The following OSBPL3 variants were observed in gnomAD, a reference collection of about 807,000 sequenced individuals.
OSBPL3 encodes oxysterol binding protein like 3, also known as oxysterol-binding protein-related protein 3.
In OSBPL3, 65 loss-of-function variants were observed where a neutral mutation model predicts 120.1. The ratio of observed to expected loss-of-function variants is 0.54; its 90% CI spans 0.44 to 0.67. The LOEUF (loss-of-function observed/expected upper bound fraction) is 0.67, where lower values mean the gene tolerates loss of function less well. Ranked by LOEUF, OSBPL3 falls within the 30% of genes least tolerant of loss-of-function variation. The probability of loss-of-function intolerance (pLI) is 0.00; values close to 1 mark genes in which losing one functional copy is unlikely to be tolerated. For synonymous variants in OSBPL3, 416 were observed against 402.6 expected, an observed-to-expected ratio of 1.03 and a Z score of -0.40; for missense variants, 1,004 against 1,082.1, an observed-to-expected ratio of 0.93 and a Z score of 1.01.
rs1250050972 is a variant in OSBPL3 at position 24,898,454 on chromosome 7, A to G, written c.-149-5833T>C. ...CCTCCACAAACCATTTTTTTTTTAA[A>G]TCTTATTCTCACTTTTGGCAAGACA... On this transcript the variant is annotated intron_variant, in intron 1 of 22. Transcript: ENST00000313367. The surrounding 1 kb of genome is among the most constrained non-coding windows in gnomAD (Gnocchi z 4.3). Among the ~76,000 whole-genome samples the G allele has an allele frequency of 6.6e-6, 1 of 151,882 alleles. No homozygotes were observed. Among genetic ancestry groups the G allele is most frequent in the African/African-American group, 2.4e-5 (1 of 41,382 alleles).
chr7:24,886,988 C>G (rs1804623725), intron 2 of OSBPL3, among the ~76,000 whole-genome samples: 1 of 152,156 alleles, frequency 6.6e-6, no homozygotes, highest in African/African-American at 2.4e-5. Flanking sequence ...TATTTAAACA[C>G]AAGTTAATTA....
At chr7:24,931,609 G>A (rs555914572) in intron 1 of OSBPL3, among the ~76,000 whole-genome samples, 2 of 152,132 alleles carry the variant, frequency 1.3e-5, no homozygotes, top group Middle Eastern at 3.2e-3. Context: ...AACAATGCCC[G>A]TTGACACCTG....
At position 24,820,106 on chromosome 7, in the gene OSBPL3, A is replaced by G. The variant is rs1042604040; in HGVS notation, c.1948+69T>C. The G allele has an allele frequency of 6.8e-6, 8 of 1,173,818 alleles. No homozygotes were observed. In the African/African-American group the frequency reaches 9.2e-5, roughly 13 times the overall value. 72.7% of individuals were successfully genotyped at this position (1,173,818 alleles called of 1,614,324 possible). ...TTGATCTCAGTAAGAATTGACAGCA[A>G]TTCTTGGATAAAATAAATAGATAAC... On this transcript the variant is annotated intron_variant, in intron 17 of 22. Transcript: ENST00000313367. This position sits in a 1 kb window ranked among gnomAD's most constrained non-coding sequence, Gnocchi z 4.6.
At position 24,813,980 on chromosome 7, in the gene OSBPL3, A is replaced by T. The variant is rs1445615019; in HGVS notation, c.2172+1079T>A. ...CCATTGCAGGAATCAGGGCTACAGA[A>T]GTGAGCAAGATAGACTAGGTTTTGC... On this transcript the variant is annotated intron_variant, in intron 19 of 22. Transcript: ENST00000313367. This position sits in a 1 kb window ranked among gnomAD's most constrained non-coding sequence, Gnocchi z 4.5. Among the ~76,000 whole-genome samples, 1 of 152,194 alleles carries T rather than the reference A, an allele frequency of 6.6e-6. No individual in the cohort carries two copies. Among genetic ancestry groups the T allele is most frequent in the Non-Finnish European group, 1.5e-5 (1 of 68,030 alleles).
intron 1 of OSBPL3, among the ~76,000 whole-genome samples, chr7:24,902,949 T>C (rs1037798867): frequency 6.6e-6 from 1 of 152,194 alleles, no homozygotes. Flanking sequence ...CTCTCAACTA[T>C]GGACTTTTTC....
chr7:24,904,010 G>A (rs942496004), intron 1 of OSBPL3, among the ~76,000 whole-genome samples: 3 of 151,856 alleles, frequency 2.0e-5, no homozygotes, highest in Non-Finnish European at 2.9e-5. Flanking sequence ...AGCCTCCCGA[G>A]TAGCGGAGAT....
chr7:24,932,176 A>G lies in OSBPL3; in HGVS notation c.-149-39555T>C, dbSNP rs1001124303. On this transcript the variant is annotated intron_variant, in intron 1 of 22. Transcript: ENST00000313367. The surrounding 1 kb of genome is among the most constrained non-coding windows in gnomAD (Gnocchi z 5.6). ...TAATTAATAAGAAATGAATGGGCAC[A>G]TTTGTCCCACTTTAAAGCTTCGGCA... Among the ~76,000 whole-genome samples, 2 of 152,216 alleles carry G rather than the reference A, an allele frequency of 1.3e-5. No individual in the cohort carries two copies. Among genetic ancestry groups the G allele is most frequent in the Admixed American group, 1.3e-4 (2 of 15,288 alleles).
At position 24,808,267 on chromosome 7, in the gene OSBPL3, C is replaced by A. The variant is rs1160765833; in HGVS notation, c.2318-1365G>T. On this transcript the variant is annotated intron_variant, in intron 20 of 22. Transcript: ENST00000313367. The surrounding 1 kb of genome is among the most constrained non-coding windows in gnomAD (Gnocchi z 4.6). Reference sequence around the variant, plus strand: ...AGTCTAATTCTCTGTGTATCCTAAGCATAAAAATAGTAGCAAAGTTTCCTA... The same window carrying A: ...AGTCTAATTCTCTGTGTATCCTAAGAATAAAAATAGTAGCAAAGTTTCCTA... 6.6e-6 allele frequency among the ~76,000 whole-genome samples: 1 copy of A among 152,132 alleles called. No individual in the cohort carries two copies. The highest frequency in any genetic ancestry group is 2.4e-5 in the African/African-American group (1 of 41,432).
chr7:24,950,655 A>G (rs1405905390), intron 1 of OSBPL3, among the ~76,000 whole-genome samples: 3 of 152,190 alleles, frequency 2.0e-5, no homozygotes, highest in Non-Finnish European at 2.9e-5. Context: ...CCAAGAGGCG[A>G]AGCTTGCAGT....
At chr7:24,875,603 T>G (rs967350366) in intron 2 of OSBPL3, among the ~76,000 whole-genome samples, 6 of 152,276 alleles carry the variant, frequency 3.9e-5, no homozygotes, top group South Asian at 4.1e-4. Context: ...CCCAGGATTT[T>G]GGGAGGCTGA....
At chr7:24,979,260 T>G (rs1817922807) in intron 1 of OSBPL3, among the ~76,000 whole-genome samples, 1 of 148,906 alleles carries the variant, frequency 6.7e-6, no homozygotes. Flanking sequence ...AGCCTGAAGG[T>G]GATCTGAACA....
chr7:24,974,040 T>C (rs1275682955), intron 1 of OSBPL3, among the ~76,000 whole-genome samples: 2 of 152,242 alleles, frequency 1.3e-5, no homozygotes, highest in African/African-American at 4.8e-5. Flanking sequence ...ACGTGATGTT[T>C]AAAAATTGAG....
At position 24,955,354 on chromosome 7, in the gene OSBPL3, T is replaced by C. The variant is rs933743558; in HGVS notation, c.-150+24532A>G. 4.6e-5 allele frequency among the ~76,000 whole-genome samples: 7 copies of C among 152,168 alleles called. No individual in the cohort carries two copies. The highest frequency in any genetic ancestry group is 1.7e-4 in the African/African-American group (7 of 41,446). On this transcript the variant is annotated intron_variant, in intron 1 of 22. Transcript: ENST00000313367. This position sits in a 1 kb window ranked among gnomAD's most constrained non-coding sequence, Gnocchi z 4.3. ...AATTAATCTATTCCAACAACAAAAATATACTGAGCACTTACAATGCGCTGG... is the reference window on the plus strand; with the variant it reads ...AATTAATCTATTCCAACAACAAAAACATACTGAGCACTTACAATGCGCTGG...
chr7:24,849,025 G>C lies in OSBPL3; in HGVS notation c.1266+44C>G. On this transcript the variant is annotated intron_variant, in intron 12 of 22. Transcript: ENST00000313367. This position sits in a 1 kb window ranked among gnomAD's most constrained non-coding sequence, Gnocchi z 5.4. ...ATGGGACAGATGGTATCACGGGAGC[G>C]GGCGGCAGCTGGGGAGACATTACCA... 1 of 1,346,782 alleles carries C rather than the reference G, an allele frequency of 7.4e-7. No homozygotes were observed. The highest frequency in any genetic ancestry group is 1.1e-6 in the Non-Finnish European group (1 of 940,448). 83.4% of individuals were successfully genotyped at this position (1,346,782 alleles called of 1,614,324 possible).
In OSBPL3 at chr7:24,867,078, G is replaced by A. The variant is rs1801435820; in HGVS notation, c.382-841C>T. Reference sequence around the variant, plus strand: ...GCCTCCCAAAGTGCTGGGATTACAGGCGTGAGCCACCACACCTGGCCTGTT... The same window carrying A: ...GCCTCCCAAAGTGCTGGGATTACAGACGTGAGCCACCACACCTGGCCTGTT... On this transcript the variant is annotated intron_variant, in intron 5 of 22. Coordinates refer to ENST00000313367, the MANE Select transcript of OSBPL3 (RefSeq NM_015550.4). This position sits in a 1 kb window ranked among gnomAD's most constrained non-coding sequence, Gnocchi z 4.5. Among the ~76,000 whole-genome samples the A allele has an allele frequency of 6.6e-6, 1 of 152,194 alleles. No homozygotes were observed. The highest frequency in any genetic ancestry group is 2.4e-5 in the African/African-American group (1 of 41,446).
Position 24,803,767 on chromosome 7 carries a change from T to C in OSBPL3, c.2567+548A>G, listed in dbSNP as rs1792673548. ...GCCTGGGTGACAGAGCGAGACTCTG[T>C]ATCAGAAAAAAAAAAAATTATATCT... On this transcript the variant is annotated intron_variant, in intron 22 of 22. Coordinates refer to ENST00000313367, the MANE Select transcript of OSBPL3 (RefSeq NM_015550.4). This position sits in a 1 kb window ranked among gnomAD's most constrained non-coding sequence, Gnocchi z 4.2. Among the ~76,000 whole-genome samples, 1 of 149,866 alleles carries C rather than the reference T, an allele frequency of 6.7e-6. No homozygotes were observed. The highest frequency in any genetic ancestry group is 1.5e-5 in the Non-Finnish European group (1 of 66,762).
At position 24,842,433 on chromosome 7, in the gene OSBPL3, A is replaced by C; in HGVS notation, c.1267-20T>G. 6.4e-7 allele frequency: 1 copy of C among 1,562,000 alleles called. No homozygotes were observed. Among genetic ancestry groups the C allele is most frequent in the Non-Finnish European group, 8.7e-7 (1 of 1,149,550 alleles). On this transcript the variant is annotated intron_variant, in intron 12 of 22. Coordinates refer to ENST00000313367, the MANE Select transcript of OSBPL3 (RefSeq NM_015550.4). ...GTTTTCCTATTTGAAGAACAAAACC[A>C]AAAATGTATACATTTAAAAACATTC...
At chr7:24,909,966 G>A (rs1163665851) in intron 1 of OSBPL3, among the ~76,000 whole-genome samples, 1 of 151,398 alleles carries the variant, frequency 6.6e-6, no homozygotes, top group Non-Finnish European at 1.5e-5. Flanking sequence ...CACCATGCCC[G>A]GCTAATTTTT....
intron 1 of OSBPL3, among the ~76,000 whole-genome samples, chr7:24,920,412 A>G (rs1050951347): frequency 1.8e-4 from 27 of 152,212 alleles, no homozygotes; most frequent in African/African-American, 6.5e-4. Flanking sequence ...GTATGATTCC[A>G]TTTATATAAA....
Sources: gnomAD v4.1 joint callset for allele counts (sites outside exome capture counted in the v4.1 genomes callset) on GRCh38, gnomAD v4.1.1 for gene constraint, Gnocchi (gnomAD v3.1) non-coding constraint, MANE v1.5 for transcripts, NCBI Gene and HGNC (gene_info 2026-07-23, HGNC 2026-07-21) for gene names.